The following ATP2B4 variants were observed in gnomAD, a reference collection of about 807,000 sequenced individuals.
ATP2B4 encodes ATPase plasma membrane Ca2+ transporting 4.
ATP2B4 carries 39 observed loss-of-function variants against 110.3 expected under a neutral mutation model. The observed-to-expected ratio is 0.35, with a 90% CI of 0.27 to 0.46. ATP2B4 has a LOEUF of 0.46. ATP2B4 is among the 20% of genes least tolerant of loss of function. The pLI is 1.00. For synonymous variants in ATP2B4, 538 were observed against 571.7 expected, an observed-to-expected ratio of 0.94 and a Z score of 0.84; for missense variants, 1,135 against 1,530.9, an observed-to-expected ratio of 0.74 and a Z score of 4.32.
intron 2 of ATP2B4, among the ~76,000 whole-genome samples, chr1:203,686,994 CT>C (rs11329273): frequency 0.57 from 49,681 of 86,408 alleles, 12,351 homozygotes; most frequent in Middle Eastern, 0.7. Context: ...GGCATCTGGC[CT>C]TTTTTTTTTT....
intron 19 of ATP2B4, among the ~76,000 whole-genome samples, chr1:203,725,768 G>C (rs1207211143): frequency 6.6e-6 from 1 of 151,968 alleles, no homozygotes; most frequent in Non-Finnish European, 1.5e-5. Context: ...CAGCCACCCA[G>C]GTAATGGACA....
intron 20 of ATP2B4, among the ~76,000 whole-genome samples, chr1:203,736,684 G>A (rs1666886772): frequency 6.6e-6 from 1 of 152,162 alleles, no homozygotes; most frequent in African/African-American, 2.4e-5. Context: ...GAAGGGAAGG[G>A]TTGACTGGCT....
At position 203,739,746 on chromosome 1, in the gene ATP2B4, T is replaced by A. The variant is rs1333650703; in HGVS notation, c.3510T>A (p.Asp1170Glu). Residue 1170 changes from aspartate to glutamate, a missense_variant, in exon 21 of 21, where the codon GAT becomes GAA. Transcript: ENST00000357681. ...TTGGGACTAGGGTGCTCCTGTTGGATGGTGAGGTCACTCCATATGCCAATA... is the reference window on the plus strand; with the variant it reads ...TTGGGACTAGGGTGCTCCTGTTGGAAGGTGAGGTCACTCCATATGCCAATA... The part of the protein sequence containing the change: ...SKFGTRVLLL[D>E]GEVTPYANTN... 2 of 1,614,152 alleles carry A rather than the reference T, an allele frequency of 1.2e-6. No homozygotes were observed. Among genetic ancestry groups the A allele is most frequent in the South Asian group, 2.2e-5 (2 of 91,078 alleles).
chr1:203,681,844 ATC>A (rs1468576821), intron 1 of ATP2B4, among the ~76,000 whole-genome samples: 1 of 151,634 alleles, frequency 6.6e-6, no homozygotes, highest in Non-Finnish European at 1.5e-5. Flanking sequence ...ATTGAGAGGT[ATC>A]TTACCGCTCC....
chr1:203,689,379 G>A (rs542899968), intron 2 of ATP2B4, among the ~76,000 whole-genome samples: 57 of 152,382 alleles, frequency 3.7e-4, no homozygotes, highest in Admixed American at 2.9e-3. Flanking sequence ...TTAGGAGGAA[G>A]AATGGTGTTT....
rs1664991120 is a variant in ATP2B4 at position 203,680,804 on chromosome 1, G to A, written c.-464-1938G>A. ...CTAAAGGTGGAAGGAACTGAGTCCTGAGAAGGCTAAGTAACATCCCTGTCT... is the reference window on the plus strand; with the variant it reads ...CTAAAGGTGGAAGGAACTGAGTCCTAAGAAGGCTAAGTAACATCCCTGTCT... On this transcript the variant is annotated intron_variant, in intron 1 of 20. Coordinates refer to ENST00000357681, the MANE Select transcript of ATP2B4 (RefSeq NM_001684.5). 3.3e-5 allele frequency among the ~76,000 whole-genome samples: 5 copies of A among 152,284 alleles called. No individual in the cohort carries two copies. In the South Asian group the frequency reaches 1.0e-3, roughly 32 times the overall value.
chr1:203,726,443 C>T (rs1571770363), intron 19 of ATP2B4, among the ~76,000 whole-genome samples: 1 of 149,580 alleles, frequency 6.7e-6, no homozygotes, highest in East Asian at 2.0e-4. Flanking sequence ...TTTTTTTTAC[C>T]AATGGGTTCC....
At chr1:203,664,418 C>T (rs916284713) in intron 1 of ATP2B4, among the ~76,000 whole-genome samples, 9 of 152,172 alleles carry the variant, frequency 5.9e-5, no homozygotes, top group African/African-American at 1.9e-4. Flanking sequence ...TCAGTGGCTT[C>T]TTAAGATACT....
chr1:203,643,403 C>A (rs1377051179), intron 1 of ATP2B4, among the ~76,000 whole-genome samples: 1 of 152,198 alleles, frequency 6.6e-6, no homozygotes, highest in Non-Finnish European at 1.5e-5. Flanking sequence ...ACTATTTGGT[C>A]ACCCAGATCA....
intron 20 of ATP2B4, among the ~76,000 whole-genome samples, chr1:203,734,705 C>CAA (rs35242931): frequency 1.6e-5 from 2 of 123,642 alleles, no homozygotes; most frequent in Non-Finnish European, 1.7e-5. Flanking sequence ...GACTCCATCT[C>CAA]AAAAAAAAAA....
chr1:203,729,425 A>G (rs1319942642), intron 20 of ATP2B4, among the ~76,000 whole-genome samples: 2 of 149,608 alleles, frequency 1.3e-5, no homozygotes, highest in Non-Finnish European at 3.0e-5. Context: ...GGCGCCTGTA[A>G]TCCCAGCTAC....
intron 1 of ATP2B4, among the ~76,000 whole-genome samples, chr1:203,643,296 A>G (rs1663687328): frequency 6.6e-6 from 1 of 152,228 alleles, no homozygotes; most frequent in Non-Finnish European, 1.5e-5. Flanking sequence ...TAGCGGCTGT[A>G]GAAGTCAATG....
rs557253748 is a variant in ATP2B4, at chr1:203,630,292, G to A, written c.-465+3073G>A. Reference sequence around the variant, plus strand: ...CTGTCAGCAGGTCAAGCCTTCCACCGGAAACTGCCCCTTATTCAAGAATTT... The same window carrying A: ...CTGTCAGCAGGTCAAGCCTTCCACCAGAAACTGCCCCTTATTCAAGAATTT... On this transcript the variant is annotated intron_variant, in intron 1 of 20. Coordinates refer to ENST00000357681, the MANE Select transcript of ATP2B4 (RefSeq NM_001684.5). 9.2e-5 allele frequency among the ~76,000 whole-genome samples: 14 copies of A among 151,722 alleles called. No homozygotes were observed. In the East Asian group the frequency reaches 1.5e-3, roughly 17 times the overall value.
At chr1:203,634,196 G>A (rs759245707) in intron 1 of ATP2B4, among the ~76,000 whole-genome samples, 35 of 152,116 alleles carry the variant, frequency 2.3e-4, no homozygotes, top group African/African-American at 7.2e-4. Context: ...CACATTTATC[G>A]TTGTTTTTGT....
chr1:203,708,172 T>C, intron 10 of ATP2B4, 68 bp downstream of exon 10: 1 of 1,593,822 alleles, frequency 6.3e-7, no homozygotes, highest in Middle Eastern at 1.7e-4. Flanking sequence ...TTCTCTGAAA[T>C]GAACCCCCTT....
chr1:203,688,790 G>A (rs974064180), intron 2 of ATP2B4, among the ~76,000 whole-genome samples: 1 of 151,974 alleles, frequency 6.6e-6, no homozygotes, highest in African/African-American at 2.4e-5. Context: ...GAAAATTTAG[G>A]GCAACAAGAA....
intron 19 of ATP2B4, among the ~76,000 whole-genome samples, chr1:203,725,952 G>A (rs547760284): frequency 6.0e-5 from 8 of 134,404 alleles, no homozygotes; most frequent in East Asian, 2.2e-4. Flanking sequence ...CAGGCCAGGC[G>A]CAGTGGCTCA....
At chr1:203,728,647 C>T (rs369238304) in intron 20 of ATP2B4, among the ~76,000 whole-genome samples, 1 of 151,146 alleles carries the variant, frequency 6.6e-6, no homozygotes, top group Admixed American at 6.6e-5. Flanking sequence ...CACCTGAGGT[C>T]GGGAGTTCAA....
At chr1:203,690,672 C>T (rs1017991800) in intron 2 of ATP2B4, among the ~76,000 whole-genome samples, 1 of 152,106 alleles carries the variant, frequency 6.6e-6, no homozygotes, top group Non-Finnish European at 1.5e-5. Flanking sequence ...CTCTATTTTC[C>T]TCTTTCTTTG....
Sources: gnomAD v4.1 joint callset for allele counts (sites outside exome capture counted in the v4.1 genomes callset) on GRCh38, gnomAD v4.1.1 for gene constraint, MANE v1.5 for transcripts, NCBI Gene and HGNC (gene_info 2026-07-23, HGNC 2026-07-21) for gene names.